The following NSUN6 variants were observed in gnomAD, a reference collection of about 807,000 sequenced individuals.
NSUN6 encodes NOP2/Sun RNA methyltransferase 6.
In NSUN6, 64 loss-of-function variants were observed where a neutral mutation model predicts 58.0. The observed-to-expected ratio is 1.10, with a 90% CI of 0.90 to 1.36. The LOEUF (loss-of-function observed/expected upper bound fraction) is 1.36. Ranked by LOEUF, NSUN6 falls within the 40% of genes most tolerant of loss-of-function variation. The probability of loss-of-function intolerance (pLI) is 0.00; values close to 1 mark genes in which losing one functional copy is unlikely to be tolerated. For missense variants in NSUN6, 701 were observed against 550.1 expected (o/e 1.27, Z -2.74); for synonymous variants, 231 against 193.9 (o/e 1.19, Z -1.59).
chr10:18,573,629 C>T, intron 8 of NSUN6, among the ~76,000 whole-genome samples: 1 of 152,182 alleles, frequency 6.6e-6, no homozygotes, highest in Non-Finnish European at 1.5e-5. Context: ...ACGTGGATGA[C>T]CTTCTCAAAT....
chr10:18,635,049 C>T (rs2059167062), intron 3 of NSUN6, among the ~76,000 whole-genome samples: 1 of 152,152 alleles, frequency 6.6e-6, no homozygotes, highest in Non-Finnish European at 1.5e-5. Flanking sequence ...ATTCGGAACA[C>T]CTGCTTTCCT....
chr10:18,643,700 CCTT>C (rs902895120), intron 2 of NSUN6, among the ~76,000 whole-genome samples: 3 of 152,172 alleles, frequency 2.0e-5, no homozygotes, highest in Non-Finnish European at 4.4e-5. Context: ...TTCCCTCCCT[CCTT>C]CATCATTTTG....
At chr10:18,559,041 A>G (rs1359448555) in intron 8 of NSUN6, among the ~76,000 whole-genome samples, 2 of 150,704 alleles carry the variant, frequency 1.3e-5, no homozygotes, top group East Asian at 3.9e-4. Context: ...AATGGAGTGA[A>G]GAATGGAATG....
At chr10:18,595,595 T>G (rs925286701) in intron 7 of NSUN6, among the ~76,000 whole-genome samples, 25 of 152,214 alleles carry the variant, frequency 1.6e-4, no homozygotes, top group Non-Finnish European at 1.0e-4. Flanking sequence ...CTTAAATTCT[T>G]TTGGGGCAAA....
At chr10:18,622,402 G>A (rs192827954) in intron 3 of NSUN6, among the ~76,000 whole-genome samples, 3 of 152,276 alleles carry the variant, frequency 2.0e-5, no homozygotes, top group African/African-American at 7.2e-5. Flanking sequence ...ACTGACATGA[G>A]TGACAAGGCA....
chr10:18,617,307 C>G (rs2058448267), intron 3 of NSUN6, among the ~76,000 whole-genome samples: 1 of 151,732 alleles, frequency 6.6e-6, no homozygotes, highest in Non-Finnish European at 1.5e-5. Flanking sequence ...CATGCCTCAG[C>G]CTCCTGAGTA....
At chr10:18,648,089 G>C (rs746429710) in intron 2 of NSUN6, among the ~76,000 whole-genome samples, 12 of 152,250 alleles carry the variant, frequency 7.9e-5, no homozygotes, top group Middle Eastern at 3.4e-3. Flanking sequence ...CAGGTACTTA[G>C]TATGTACCTC....
chr10:18,587,221 G>A (rs536104196), intron 7 of NSUN6, among the ~76,000 whole-genome samples: 6 of 152,264 alleles, frequency 3.9e-5, no homozygotes, highest in South Asian at 4.1e-4. Flanking sequence ...GCTCACCTCT[G>A]GAACAACATG....
intron 7 of NSUN6, among the ~76,000 whole-genome samples, chr10:18,589,646 T>A (rs944710240): frequency 6.6e-6 from 1 of 152,130 alleles, no homozygotes; most frequent in Admixed American, 6.5e-5. Context: ...GAATTTCACA[T>A]CTAGCCAAAT....
intron 8 of NSUN6, among the ~76,000 whole-genome samples, chr10:18,571,972 A>C (rs2056391362): frequency 8.0e-6 from 1 of 125,438 alleles, no homozygotes. Context: ...CACTCCATTC[A>C]CCACTGCATT....
chr10:18,635,616 C>T (rs1167299314), intron 3 of NSUN6, among the ~76,000 whole-genome samples: 2 of 152,070 alleles, frequency 1.3e-5, no homozygotes, highest in Non-Finnish European at 2.9e-5. Context: ...GTGGGTGGAT[C>T]ACCTGAGTTC....
chr10:18,593,032 A>G (rs948573901), intron 7 of NSUN6, among the ~76,000 whole-genome samples: 2 of 152,208 alleles, frequency 1.3e-5, no homozygotes, highest in African/African-American at 4.8e-5. Context: ...AATCCCATCA[A>G]AAAGTGGACG....
At chr10:18,633,287 T>G (rs1449701159) in intron 3 of NSUN6, among the ~76,000 whole-genome samples, 1 of 141,158 alleles carries the variant, frequency 7.1e-6, no homozygotes, top group Non-Finnish European at 1.5e-5. Context: ...GGGGGAGGGA[T>G]AGCATTGGGA....
intron 3 of NSUN6, among the ~76,000 whole-genome samples, chr10:18,629,624 C>T (rs889131475): frequency 3.3e-5 from 5 of 151,246 alleles, no homozygotes; most frequent in East Asian, 2.0e-4. Context: ...ATAAAACAGA[C>T]TTTAAACCAA....
At chr10:18,625,710 G>GTTT (rs372676582) in intron 3 of NSUN6, among the ~76,000 whole-genome samples, 5 of 62,168 alleles carry the variant, frequency 8.0e-5, no homozygotes, top group African/African-American at 3.2e-4. Context: ...GAGACTATGT[G>GTTT]TTTTTTTTTT....
chr10:18,630,639 A>T (rs1391924088), intron 3 of NSUN6, among the ~76,000 whole-genome samples: 1 of 152,224 alleles, frequency 6.6e-6, no homozygotes. Flanking sequence ...CTAAGCAAAT[A>T]AACTAGAAAA....
chr10:18,581,611 G>C (rs1196141186), intron 8 of NSUN6, among the ~76,000 whole-genome samples: 1 of 152,166 alleles, frequency 6.6e-6, no homozygotes, highest in African/African-American at 2.4e-5. Context: ...CGGATCACAA[G>C]GTCAAGAGAT....
At chr10:18,567,270 A>T (rs2056025249) in intron 8 of NSUN6, among the ~76,000 whole-genome samples, 1 of 148,614 alleles carries the variant, frequency 6.7e-6, no homozygotes. Flanking sequence ...ATTCTATTCC[A>T]TTCTCCATTC....
rs147887163 is a variant in NSUN6 at position 18,651,564 on chromosome 10, C to G, written c.-361G>C. ...GATCAGTAAGCCAGGCTGACAGCAG[C>G]TCGGTCCCTTTATCTTTTCTATCAA... On this transcript the variant is annotated 5_prime_UTR_variant, in exon 1 of 11. Transcript: ENST00000377304. 6.8e-5 allele frequency: 68 copies of G among 1,001,132 alleles called. No individual in the cohort carries two copies. In the East Asian group the frequency reaches 6.8e-3, roughly 100 times the overall value. The allele number at this position is 1,001,132 out of a possible 1,614,324, so 62.0% of individuals were successfully genotyped here.
Sources: gnomAD v4.1 joint callset for allele counts (sites outside exome capture counted in the v4.1 genomes callset) on GRCh38, gnomAD v4.1.1 for gene constraint, MANE v1.5 for transcripts, NCBI Gene and HGNC (gene_info 2026-07-23, HGNC 2026-07-21) for gene names.